The following NFILZ variants were observed in gnomAD, a reference collection of about 807,000 sequenced individuals.
NFILZ encodes NFIL3 like basic leucine zipper, also known as NFIL3 like protein.
intron 3 of NFILZ, among the ~76,000 whole-genome samples, chr19:8,650,345 C>T (rs1284871456): frequency 6.6e-6 from 1 of 151,850 alleles, no homozygotes; most frequent in Non-Finnish European, 1.5e-5. Flanking sequence ...GTTAGCCCTA[C>T]ATGGATGGGT....
At chr19:8,663,726 G>GTA (rs2043044814) in intron 3 of NFILZ, among the ~76,000 whole-genome samples, 35 of 84,094 alleles carry the variant, frequency 4.2e-4, no homozygotes, top group African/African-American at 1.7e-3. Flanking sequence ...GTGTGTTTGT[G>GTA]TGTGTGTGTG....
chr19:8,674,184 G>A (rs2043101031), intron 3 of NFILZ, among the ~76,000 whole-genome samples: 1 of 152,070 alleles, frequency 6.6e-6, no homozygotes, highest in African/African-American at 2.4e-5. Context: ...CAGACATGGT[G>A]GCCTCCTGAG....
At chr19:8,631,533 C>T (rs2042869362) in intron 1 of NFILZ, among the ~76,000 whole-genome samples, 1 of 152,088 alleles carries the variant, frequency 6.6e-6, no homozygotes. Flanking sequence ...GGGACAAAGC[C>T]CAGGGATTAG....
chr19:8,641,144 G>A (rs2042917289), intron 3 of NFILZ, among the ~76,000 whole-genome samples: 1 of 152,082 alleles, frequency 6.6e-6, no homozygotes. Flanking sequence ...CGACCTCCCA[G>A]GCTCAAGTGA....
rs1309613435 is a variant in NFILZ, at chr19:8,632,566, A to G, written c.-320A>G. ...CTGCTACACTCCCACCAGCCCCCTG[A>G]CGGTTTACAGATGCCATGGCAACAT... On this transcript the variant is annotated 5_prime_UTR_variant, in exon 2 of 6. Coordinates refer to ENST00000691075, the MANE Select transcript of NFILZ (RefSeq NM_001378600.1). The G allele has an allele frequency of 6.6e-6, 1 of 152,150 alleles. No individual in the cohort carries two copies. The highest frequency in any genetic ancestry group is 1.5e-5 in the Non-Finnish European group (1 of 68,050). 9.4% of individuals were successfully genotyped at this position (152,150 alleles called of 1,614,324 possible). A position where few individuals can be genotyped will look rare whatever the true frequency, so the allele number is the denominator to read the frequency against.
rs111067255 is a variant in NFILZ, at chr19:8,678,151, G to A, written c.*516G>A. 0.59 allele frequency among the ~76,000 whole-genome samples: 28,898 copies of A among 48,862 alleles called. 9,144 individuals carry two copies. Among genetic ancestry groups the A allele is most frequent in the East Asian group, 0.84 (1,858 of 2,206 alleles). 32.1% of individuals were successfully genotyped at this position (48,862 alleles called of 152,430 possible). A position where few individuals can be genotyped will look rare whatever the true frequency, so the allele number is the denominator to read the frequency against. On this transcript the variant is annotated 3_prime_UTR_variant, in exon 6 of 6. Transcript: ENST00000691075. Reference sequence around the variant, plus strand: ...CCTCCATCCATTCATCCACTTGTCCGTCCATCCATCCATCCATCCATCCAT... The same window carrying A: ...CCTCCATCCATTCATCCACTTGTCCATCCATCCATCCATCCATCCATCCAT...
chr19:8,659,910 T>G (rs913651020), intron 3 of NFILZ, among the ~76,000 whole-genome samples: 32 of 150,758 alleles, frequency 2.1e-4, no homozygotes, highest in African/African-American at 7.6e-4. Flanking sequence ...TCTAGGGTGG[T>G]GGGGGGAGGG....
At chr19:8,653,038 T>TCTCCCTCTC (rs2042975227) in intron 3 of NFILZ, among the ~76,000 whole-genome samples, 12 of 90,586 alleles carry the variant, frequency 1.3e-4, no homozygotes, top group South Asian at 6.8e-4. Flanking sequence ...CTTTCTTTCT[T>TCTCCCTCTC]TCTCTCTCTC....
chr19:8,657,472 T>C (rs1455402817), intron 3 of NFILZ, among the ~76,000 whole-genome samples: 1 of 151,986 alleles, frequency 6.6e-6, no homozygotes, highest in Non-Finnish European at 1.5e-5. Flanking sequence ...GCTTTAAGAT[T>C]GATGGTTGCG....
At chr19:8,644,071 G>T (rs966301766) in intron 3 of NFILZ, among the ~76,000 whole-genome samples, 1 of 152,086 alleles carries the variant, frequency 6.6e-6, no homozygotes, top group Non-Finnish European at 1.5e-5. Context: ...ACCCCAGTGT[G>T]ACTGAATTTG....
intron 3 of NFILZ, among the ~76,000 whole-genome samples, chr19:8,637,912 CAAAAAA>C (rs35778716): frequency 9.9e-5 from 2 of 20,268 alleles, no homozygotes; most frequent in African/African-American, 3.4e-4. Context: ...AAGATGGTCT[CAAAAAA>C]AAAAAAAAAA....
intron 1 of NFILZ, 100 bp downstream of exon 1, chr19:8,630,844 T>TC (rs2042866374): frequency 6.6e-6 from 1 of 152,194 alleles, no homozygotes; most frequent in Non-Finnish European, 1.5e-5. Context: ...TAGGCTCCTC[T>TC]CTCCCCCACA....
intron 3 of NFILZ, among the ~76,000 whole-genome samples, chr19:8,652,911 CTCTCTCTCTCT>C (rs1555747839): frequency 2.2e-5 from 3 of 138,732 alleles, no homozygotes; most frequent in South Asian, 4.6e-4. Context: ...CTCCCTCCTT[CTCTCTCTCTCT>C]TCTCTCTCTC....
chr19:8,652,157 C>T (rs1362690601), intron 3 of NFILZ, among the ~76,000 whole-genome samples: 5 of 146,552 alleles, frequency 3.4e-5, no homozygotes, highest in Non-Finnish European at 7.4e-5. Flanking sequence ...GGCTGGAGTG[C>T]GGTGGCGCGA....
At chr19:8,642,953 C>CTTTTTTT (rs35200818) in intron 3 of NFILZ, among the ~76,000 whole-genome samples, 3 of 139,358 alleles carry the variant, frequency 2.2e-5, no homozygotes, top group African/African-American at 8.1e-5. Flanking sequence ...GATTTTGACT[C>CTTTTTTT]TTTTTTTTTT....
intron 3 of NFILZ, among the ~76,000 whole-genome samples, chr19:8,665,183 CCTAT>C (rs2043056075): frequency 1.3e-5 from 2 of 152,172 alleles, no homozygotes; most frequent in South Asian, 4.1e-4. Context: ...GCGCTTCTGG[CCTAT>C]CTGAGAGGAA....
At position 8,680,195 on chromosome 19, in the gene NFILZ, GA is replaced by G. The variant is rs782398185; in HGVS notation, c.*2579del. The stretch of plus-strand genomic sequence containing the variant: ...TGGGCGACAGAGCGAGACTCCATCT[GA>G]AAAAAAAAAAAAAAAAAAGGAAAAA... On this transcript the variant is annotated 3_prime_UTR_variant, in exon 6 of 6. Transcript: ENST00000691075. 0.53 allele frequency among the ~76,000 whole-genome samples: 30,939 copies of G among 58,190 alleles called. 5,121 individuals are homozygous for G. Among genetic ancestry groups the G allele is most frequent in the Middle Eastern group, 0.6 (76 of 126 alleles). The allele number at this position is 58,190 out of a possible 152,430, so 38.2% of individuals were successfully genotyped here.
chr19:8,662,204 T>TAA (rs113185976), intron 3 of NFILZ, among the ~76,000 whole-genome samples: 2 of 133,520 alleles, frequency 1.5e-5, no homozygotes, highest in African/African-American at 2.8e-5. Context: ...GACTCTGTCT[T>TAA]AAAAAAAAAA....
chr19:8,663,722 T>TTGTG (rs879983007), intron 3 of NFILZ, among the ~76,000 whole-genome samples: 17 of 10,812 alleles, frequency 1.6e-3, no homozygotes, highest in African/African-American at 5.2e-3. Context: ...GTGTGTGTGT[T>TTGTG]TGTGTGTGTG....
Sources: allele counts gnomAD v4.1 joint callset (sites outside exome capture counted in the v4.1 genomes callset), GRCh38; gene constraint gnomAD v4.1.1; transcripts MANE v1.5; gene names NCBI Gene and HGNC (gene_info 2026-07-23, HGNC 2026-07-21).